The following FRMD4A variants were observed in gnomAD, a reference collection of about 807,000 sequenced individuals.
The protein encoded by FRMD4A is FERM domain-containing protein 4A.
FRMD4A carries 29 observed loss-of-function variants against 129.1 expected under a neutral mutation model. That is an observed-to-expected ratio of 0.22 (90% CI 0.17 to 0.31). The LOEUF (loss-of-function observed/expected upper bound fraction) is 0.31. Among genes scored for constraint, FRMD4A ranks in the 10% least tolerant of loss-of-function variants. The pLI is 1.00. For missense variants in FRMD4A, 1,272 were observed against 1,375.8 expected (o/e 0.92, Z 1.19); for synonymous variants, 634 against 571.6 (o/e 1.11, Z -1.56).
At chr10:14,284,978 A>G (rs376993054) in intron 2 of FRMD4A, among the ~76,000 whole-genome samples, 5 of 152,310 alleles carry the variant, frequency 3.3e-5, no homozygotes, top group South Asian at 2.1e-4. Flanking sequence ...TATATTTGAT[A>G]CCCAGGTCCA....
intron 4 of FRMD4A, among the ~76,000 whole-genome samples, chr10:13,797,169 C>T (rs573398301): frequency 6.6e-6 from 1 of 152,258 alleles, no homozygotes; most frequent in South Asian, 2.1e-4. Context: ...CCCAGGGAAA[C>T]ACTGAAACGA....
intron 14 of FRMD4A, 136 bp from the exon 15 acceptor site, chr10:13,694,175 T>C (rs2085996816): frequency 1.6e-6 from 1 of 630,574 alleles, no homozygotes; most frequent in Non-Finnish European, 2.6e-6. Flanking sequence ...GCAGCATTTT[T>C]GTTTGCATCC....
chr10:14,141,657 C>G (rs1589063298), intron 2 of FRMD4A, among the ~76,000 whole-genome samples: 1 of 152,098 alleles, frequency 6.6e-6, no homozygotes, highest in East Asian at 1.9e-4. Flanking sequence ...TTTCCCCTGT[C>G]CTTCGATGAT....
chr10:13,903,578 T>A (rs1239501911), intron 2 of FRMD4A, among the ~76,000 whole-genome samples: 6 of 149,634 alleles, frequency 4.0e-5, no homozygotes, highest in African/African-American at 1.2e-4. Flanking sequence ...AAAATGTTTT[T>A]AAATAAAAAT....
chr10:13,673,062 C>T (rs2083652438), intron 16 of FRMD4A, among the ~76,000 whole-genome samples: 1 of 152,076 alleles, frequency 6.6e-6, no homozygotes, highest in African/African-American at 2.4e-5. Flanking sequence ...ATGTTCCTTA[C>T]CTTTTTGAAA....
chr10:14,172,412 A>G (rs1481438102), intron 2 of FRMD4A, among the ~76,000 whole-genome samples: 1 of 152,070 alleles, frequency 6.6e-6, no homozygotes, highest in Non-Finnish European at 1.5e-5. Context: ...ACTGACATCC[A>G]TTTCTCCCCC....
chr10:14,171,842 A>G (rs528766736), intron 2 of FRMD4A, among the ~76,000 whole-genome samples: 1 of 152,382 alleles, frequency 6.6e-6, no homozygotes, highest in African/African-American at 2.4e-5. Context: ...CCAGGAAATC[A>G]GAAACTTCAA....
intron 3 of FRMD4A, among the ~76,000 whole-genome samples, chr10:13,824,321 C>CAAA (rs397721588): frequency 0.02 from 1,939 of 99,022 alleles, 67 homozygotes; most frequent in African/African-American, 0.059. Flanking sequence ...ACTAAAAATA[C>CAAA]AAAAAAAAAA....
rs553162254 is a variant in FRMD4A at position 14,105,556 on chromosome 10, G to C, written c.45+224502C>G. ...AACATTGTAGTTTACATCTCTAAAA[G>C]ATAGAGATTTAAAGAAAATGACCAT... On this transcript the variant is annotated intron_variant, in intron 2 of 24. Transcript: ENST00000357447. Among the ~76,000 whole-genome samples the C allele has an allele frequency of 2.5e-3, 380 of 152,184 alleles. 1 individual carries two copies. Among genetic ancestry groups the C allele is most frequent in the African/African-American group, 8.7e-3 (361 of 41,524 alleles).
chr10:14,175,353 A>G (rs1841680307), intron 2 of FRMD4A, among the ~76,000 whole-genome samples: 1 of 152,126 alleles, frequency 6.6e-6, no homozygotes, highest in African/African-American at 2.4e-5. Flanking sequence ...TCCAGATGGA[A>G]TCACAGGCTG....
Position 13,932,626 on chromosome 10 carries a change from T to C in FRMD4A, c.46-73714A>G, listed in dbSNP as rs118003897. On this transcript the variant is annotated intron_variant, in intron 2 of 24. Coordinates refer to ENST00000357447, the MANE Select transcript of FRMD4A (RefSeq NM_018027.5). ...ACCCATTCAAGGCTATGCTGTATGT[T>C]TAGAAGGGACTACTCCCTGGGACTT... Among the ~76,000 whole-genome samples the C allele has an allele frequency of 6.0e-3, 916 of 152,310 alleles. 2 individuals are homozygous for C. The highest frequency in any genetic ancestry group is 0.011 in the Non-Finnish European group (716 of 68,024).
intron 3 of FRMD4A, among the ~76,000 whole-genome samples, chr10:13,814,580 C>CAAAAAAAAAAAAAAAAAAA (rs553044764): frequency 2.4e-5 from 1 of 41,388 alleles, no homozygotes; most frequent in African/African-American, 8.8e-5. Context: ...GACCCTGTTT[C>CAAAAAAAAAAAAAAAAAAA]AAAAAAAAAA....
intron 13 of FRMD4A, among the ~76,000 whole-genome samples, chr10:13,705,223 T>C (rs1182657772): frequency 2.0e-5 from 3 of 149,648 alleles, no homozygotes. Flanking sequence ...TGATCACTGC[T>C]GTCTAATAGG....
chr10:13,816,624 G>A (rs1335977919), intron 3 of FRMD4A, among the ~76,000 whole-genome samples: 1 of 152,192 alleles, frequency 6.6e-6, no homozygotes, highest in African/African-American at 2.4e-5. Context: ...ATACTACATT[G>A]TTCTGAAAGT....
intron 2 of FRMD4A, among the ~76,000 whole-genome samples, chr10:13,878,851 G>GGAAGGAAC (rs1268431293): frequency 6.6e-6 from 1 of 150,982 alleles, no homozygotes; most frequent in Non-Finnish European, 1.5e-5. Flanking sequence ...AAGGAAGGAA[G>GGAAGGAAC]GAACCTGGAA....
rs140177177 is a variant in FRMD4A, at chr10:13,996,385, C to A, written c.46-137473G>T. 2.3e-3 allele frequency among the ~76,000 whole-genome samples: 357 copies of A among 152,352 alleles called. 1 individual carries two copies. The highest frequency in any genetic ancestry group is 7.9e-3 in the African/African-American group (330 of 41,572). ...AAGCAAGGCTGTCACTGCCCCTGCA[C>A]AGGAACAGCTTTTGCAGAGCCCTGA... On this transcript the variant is annotated intron_variant, in intron 2 of 24. Transcript: ENST00000357447.
chr10:14,060,675 G>A (rs1056469319), intron 2 of FRMD4A, among the ~76,000 whole-genome samples: 5 of 152,122 alleles, frequency 3.3e-5, no homozygotes, highest in Admixed American at 6.6e-5. Flanking sequence ...GATAAGGTAC[G>A]CAAATCATTT....
chr10:13,971,856 T>C, intron 2 of FRMD4A: 1 of 1,300,428 alleles, frequency 7.7e-7, no homozygotes, highest in Non-Finnish European at 1.0e-6. Context: ...TCCAGGGCTG[T>C]GTTCTTTTAG....
rs1262703272 is a variant in FRMD4A at position 14,014,278 on chromosome 10, T to C, written c.46-155366A>G. On this transcript the variant is annotated intron_variant, in intron 2 of 24. Transcript: ENST00000357447. The stretch of plus-strand genomic sequence containing the variant: ...CCAAAACACACGCAAGAAGAAAACA[T>C]ATTCTTCCTAATACCCTGACTCGAT... Among the ~76,000 whole-genome samples, 7 of 152,280 alleles carry C rather than the reference T, an allele frequency of 4.6e-5. No homozygotes were observed. In the East Asian group the frequency reaches 1.4e-3, roughly 29 times the overall value.
Sources: allele counts gnomAD v4.1 joint callset (sites outside exome capture counted in the v4.1 genomes callset), GRCh38; gene constraint gnomAD v4.1.1; transcripts MANE v1.5; gene names NCBI Gene and HGNC (gene_info 2026-07-23, HGNC 2026-07-21).